Variants in IRGC observed in about 807,000 individuals in gnomAD.
The protein encoded by IRGC is interferon-inducible GTPase 5.
IRGC carries 4 observed loss-of-function variants against 16.1 expected under a neutral mutation model. The observed-to-expected ratio is 0.25, with a 90% CI of 0.12 to 0.57. The LOEUF is 0.57. Among genes scored for constraint, IRGC ranks in the 20% least tolerant of loss-of-function variants. The probability of loss-of-function intolerance (pLI) is 0.92; values close to 1 mark genes in which losing one functional copy is unlikely to be tolerated. For missense variants in IRGC, 570 were observed against 643.9 expected, an observed-to-expected ratio of 0.89 and a Z score of 1.24; for synonymous variants, 307 against 299.5, an observed-to-expected ratio of 1.03 and a Z score of -0.26.
rs140840883 is a variant in IRGC, at chr19:43,719,681, G to A, written c.1123G>A (p.Gly375Ser). 9.9e-5 allele frequency: 160 copies of A among 1,610,804 alleles called. No individual in the cohort carries two copies. In the African/African-American group the frequency reaches 1.6e-3, roughly 16 times the overall value. ...TGTGTTTGGGACGCTGGTGGCTGGC[G>A]GCATCAGCTTTGGCGCTGTCTACAC... is the stretch of plus-strand genomic sequence containing the variant. ...IPVFGTLVAGGISFGAVYTML... is the reference protein window; with the variant it reads ...IPVFGTLVAGSISFGAVYTML... The change falls in exon 2 of 2, where the codon GGC (glycine) becomes AGC (serine). Residue 375 changes from glycine to serine, a missense_variant. Physicochemically the swap from Gly to Ser is moderately conservative, Grantham distance 56. Coordinates refer to ENST00000244314, the MANE Select transcript of IRGC (RefSeq NM_019612.4).
At chr19:43,717,942 G>A (rs886603305) in intron 1 of IRGC, among the ~76,000 whole-genome samples, 6 of 152,106 alleles carry the variant, frequency 3.9e-5, no homozygotes, top group South Asian at 2.1e-4. Flanking sequence ...GGTGGCATGC[G>A]CCTGTGGTCC....
In IRGC at chr19:43,720,004, C is replaced by T; in HGVS notation, c.*54C>T. On this transcript the variant is annotated 3_prime_UTR_variant, in exon 2 of 2. Coordinates refer to ENST00000244314, the MANE Select transcript of IRGC (RefSeq NM_019612.4). ...CCACAAACTAAGTCTTAACAAAATCCAAATTACCAACAAAAAAGGCCGATG... is the reference window on the plus strand; with the variant it reads ...CCACAAACTAAGTCTTAACAAAATCTAAATTACCAACAAAAAAGGCCGATG... The T allele has an allele frequency of 6.3e-7, 1 of 1,591,770 alleles. No individual in the cohort carries two copies. Among genetic ancestry groups the T allele is most frequent in the Admixed American group, 1.8e-5 (1 of 56,694 alleles).
In IRGC at chr19:43,718,988, C is replaced by T. The variant is rs760423917; in HGVS notation, c.430C>T (p.Arg144Cys). The T allele has an allele frequency of 5.6e-6, 9 of 1,610,430 alleles. No homozygotes were observed. The East Asian group carries it at 1.1e-4, about 20-fold the overall frequency. The change falls in exon 2 of 2, where the codon CGC becomes TGC. Residue 144 changes from arginine to cysteine, a missense_variant. Physicochemically the swap from Arg to Cys is radical, Grantham distance 180. Transcript: ENST00000244314. ...YDFFLLVSPRRCGAVETRLAA... is the reference protein window; with the variant it reads ...YDFFLLVSPRCCGAVETRLAA... The stretch of plus-strand genomic sequence containing the variant: ...CTTCTTCCTGCTGGTCTCCCCCCGC[C>T]GCTGCGGGGCCGTCGAGACCCGCCT...
chr19:43,718,403 A>G, intron 1 of IRGC, 90 bp from the exon 2 acceptor site: 2 of 1,381,316 alleles, frequency 1.4e-6, no homozygotes, highest in South Asian at 3.8e-5. Flanking sequence ...GTGGGCTTCC[A>G]GGGCGACTCC....
In IRGC at chr19:43,719,238, C is replaced by T. The variant is rs758334834; in HGVS notation, c.680C>T (p.Thr227Met). 5.1e-5 allele frequency: 82 copies of T among 1,609,874 alleles called. No homozygotes were observed. In the Admixed American group the frequency reaches 6.3e-4, roughly 12 times the overall value. The change falls in exon 2 of 2, where the codon ACG (threonine) becomes ATG (methionine). Residue 227 changes from threonine (T) to methionine (M), a missense_variant. Transcript: ENST00000244314. ...TCGCCGGCCCGCTACGACTTTCCCA[C>T]GCTGGTGTCCACCTGGGAGCACGAC... Reference protein sequence around the residue: ...NLSPARYDFPTLVSTWEHDLP... With the variant: ...NLSPARYDFPMLVSTWEHDLP...
rs1176725515 is a variant in IRGC, at chr19:43,718,679, T to A, written c.121T>A (p.Ser41Thr). The change falls in exon 2 of 2, where the codon TCT becomes ACT. Residue 41 changes from serine (S) to threonine (T), a missense_variant. Coordinates refer to ENST00000244314, the MANE Select transcript of IRGC (RefSeq NM_019612.4). ...GTCGGGTGACCTCCCCCAGGCCGCC[T>A]CTCACCTCCAGGAGCTGCTGGCCTC... ...FESGDLPQAA[S>T]HLQELLASTE... 1.9e-6 allele frequency: 3 copies of A among 1,613,408 alleles called. No homozygotes were observed. The highest frequency in any genetic ancestry group is 2.5e-6 in the Non-Finnish European group (3 of 1,180,020).
In IRGC at chr19:43,719,285, GCT is replaced by G; in HGVS notation, c.728_729del (p.Ala243GlyfsTer48). 6.2e-7 allele frequency: 1 copy of G among 1,608,620 alleles called. No homozygotes were observed. Among genetic ancestry groups the G allele is most frequent in the Non-Finnish European group, 8.5e-7 (1 of 1,177,054 alleles). ...CGACCTGCCCTCCCACCGGCGCCAC[GCT>G]GGCCTGCTGTCGCTCCCCGACATCT... ...EHDLPSHRRH[A>X]GLLSLPDISL... On this transcript the variant is annotated frameshift_variant, in exon 2 of 2. Coordinates refer to ENST00000244314, the MANE Select transcript of IRGC (RefSeq NM_019612.4). LOFTEE classifies it high-confidence loss of function.
At position 43,718,804 on chromosome 19, in the gene IRGC, T is replaced by G. The variant is rs141926665; in HGVS notation, c.246T>G (p.Pro82=). 4.3e-6 allele frequency: 7 copies of G among 1,612,918 alleles called. No individual in the cohort carries two copies. In the Admixed American group the frequency reaches 1.0e-4, roughly 23 times the overall value. ...NALRGLEAED[P]GAALTGVMET... Reference sequence around the variant, plus strand: ...TGCGTGGCCTGGAGGCCGAGGACCCTGGCGCGGCTCTCACGGGCGTCATGG... The same window carrying G: ...TGCGTGGCCTGGAGGCCGAGGACCCGGGCGCGGCTCTCACGGGCGTCATGG... Residue 82 remains proline, a synonymous_variant, in exon 2 of 2, where the codon CCT becomes CCG. Coordinates refer to ENST00000244314, the MANE Select transcript of IRGC (RefSeq NM_019612.4).
Position 43,719,964 on chromosome 19 carries a change from G to C in IRGC, c.*14G>C. On this transcript the variant is annotated 3_prime_UTR_variant, in exon 2 of 2. Coordinates refer to ENST00000244314, the MANE Select transcript of IRGC (RefSeq NM_019612.4). ...GAAGAGAAATAAAGAGTGCAGCCCCGCCCCCCTGCCTCACCCACAAACTAA... is the reference window on the plus strand; with the variant it reads ...GAAGAGAAATAAAGAGTGCAGCCCCCCCCCCCTGCCTCACCCACAAACTAA... The C allele has an allele frequency of 1.2e-6, 2 of 1,611,144 alleles. No individual in the cohort carries two copies. Among genetic ancestry groups the C allele is most frequent in the Admixed American group, 1.7e-5 (1 of 59,756 alleles).
Position 43,717,172 on chromosome 19 carries a change from CT to C in IRGC, c.-67+1032del, listed in dbSNP as rs748455219. Among the ~76,000 whole-genome samples, 5 of 152,114 alleles carry C rather than the reference CT, an allele frequency of 3.3e-5. No individual in the cohort carries two copies. In the East Asian group the frequency reaches 7.7e-4, roughly 24 times the overall value. On this transcript the variant is annotated intron_variant, in intron 1 of 1. Coordinates refer to ENST00000244314, the MANE Select transcript of IRGC (RefSeq NM_019612.4). Reference sequence around the variant, plus strand: ...GTGTCCAGGTGGTCCCCATGTCTGGCTTCCCGAACCCAAGGGCGTCTGAACC... The same window carrying C: ...GTGTCCAGGTGGTCCCCATGTCTGGCTCCCGAACCCAAGGGCGTCTGAACC...
rs143101786 is a variant in IRGC at position 43,718,640 on chromosome 19, C to A, written c.82C>A (p.Arg28Ser). The change falls in exon 2 of 2, where the codon CGC becomes AGC. Residue 28 changes from arginine (R) to serine (S), a missense_variant. Physicochemically the swap from Arg to Ser is moderately radical, Grantham distance 110 (BLOSUM62 -1). Coordinates refer to ENST00000244314, the MANE Select transcript of IRGC (RefSeq NM_019612.4). Reference sequence around the variant, plus strand: ...GGCCAAGGAAAGGCTGGAGGCCCTGCGCACAGCCTTTGAGTCGGGTGACCT... The same window carrying A: ...GGCCAAGGAAAGGCTGGAGGCCCTGAGCACAGCCTTTGAGTCGGGTGACCT... ...LMAKERLEAL[R>S]TAFESGDLPQ... 1 of 1,613,510 alleles carries A rather than the reference C, an allele frequency of 6.2e-7. No individual in the cohort carries two copies. Among genetic ancestry groups the A allele is most frequent in the South Asian group, 1.1e-5 (1 of 91,052 alleles).
In IRGC at chr19:43,718,827, T is replaced by G; in HGVS notation, c.269T>G (p.Met90Arg). ...EDPGAALTGV[M>R]ETTMQPSPYP... ...CCTGGCGCGGCTCTCACGGGCGTCA[T>G]GGAGACCACGATGCAACCGTCGCCC... is the stretch of plus-strand genomic sequence containing the variant. Residue 90 changes from methionine (M) to arginine (R), a missense_variant, in exon 2 of 2, where the codon ATG becomes AGG. By Grantham distance (91) the Met-to-Arg change is moderately conservative. Transcript: ENST00000244314. The G allele has an allele frequency of 1.9e-6, 3 of 1,613,086 alleles. No homozygotes were observed. Among genetic ancestry groups the G allele is most frequent in the Non-Finnish European group, 2.5e-6 (3 of 1,179,974 alleles).
intron 1 of IRGC, among the ~76,000 whole-genome samples, chr19:43,716,778 A>G (rs1454690254): frequency 1.3e-5 from 2 of 151,974 alleles, no homozygotes; most frequent in African/African-American, 4.8e-5. Flanking sequence ...CTGAAGGGAG[A>G]GTAGCTCTCT....
rs952759775 is a variant in IRGC at position 43,719,733 on chromosome 19, T to C, written c.1175T>C (p.Met392Thr). 6.2e-7 allele frequency: 1 copy of C among 1,613,466 alleles called. No homozygotes were observed. Among genetic ancestry groups the C allele is most frequent in the Non-Finnish European group, 8.5e-7 (1 of 1,179,810 alleles). ...ATGCTCCAGGGCTGCCTCAACGAGA[T>C]GGCTGAGGACGCCCAGCGTGTCCGC... ...YTMLQGCLNE[M>T]AEDAQRVRIK... is the part of the protein sequence containing the mutation. Residue 392 changes from methionine to threonine, a missense_variant, in exon 2 of 2, where the codon ATG becomes ACG. Transcript: ENST00000244314.
chr19:43,719,622 T>A lies in IRGC; in HGVS notation c.1064T>A (p.Met355Lys). The A allele has an allele frequency of 6.2e-7, 1 of 1,604,620 alleles. No individual in the cohort carries two copies. The highest frequency in any genetic ancestry group is 8.5e-7 in the Non-Finnish European group (1 of 1,179,878). The stretch of plus-strand genomic sequence containing the variant: ...TATTCCCAGTCGTCCGACGGCGCCA[T>A]GCGGGTGGCCCGCGCCTTTGAGAGG... ...RLYSQSSDGA[M>K]RVARAFERGI... The change falls in exon 2 of 2, where the codon ATG becomes AAG. Residue 355 changes from methionine (M) to lysine (K), a missense_variant. Met to Lys is a moderately conservative substitution (Grantham distance 95). Coordinates refer to ENST00000244314, the MANE Select transcript of IRGC (RefSeq NM_019612.4).
Position 43,719,427 on chromosome 19 carries a change from A to G in IRGC, c.869A>G (p.Asp290Gly). The G allele has an allele frequency of 3.1e-6, 5 of 1,604,978 alleles. No homozygotes were observed. Among genetic ancestry groups the G allele is most frequent in the Non-Finnish European group, 4.3e-6 (5 of 1,174,938 alleles). ...GTCCCAGGGCTGGCGGCCGCCTACG[A>G]TGATGCGTTGCTCATCCACTCACTG... ...LPVPGLAAAY[D>G]DALLIHSLRG... Residue 290 changes from aspartate to glycine, a missense_variant, in exon 2 of 2, where the codon GAT becomes GGT. By Grantham distance (94) the Asp-to-Gly change is moderately conservative. Transcript: ENST00000244314.
Position 43,718,975 on chromosome 19 carries a change from G to A in IRGC, c.417G>A (p.Leu139=), listed in dbSNP as rs1177006921. The A allele has an allele frequency of 1.2e-6, 2 of 1,609,404 alleles. No individual in the cohort carries two copies. Among genetic ancestry groups the A allele is most frequent in the Non-Finnish European group, 1.7e-6 (2 of 1,178,490 alleles). The stretch of plus-strand genomic sequence containing the variant: ...TCAGCCGCTATGACTTCTTCCTGCT[G>A]GTCTCCCCCCGCCGCTGCGGGGCCG... ...VDFSRYDFFL[L]VSPRRCGAVE... The change falls in exon 2 of 2, where the codon CTG becomes CTA. Residue 139 remains leucine, a synonymous_variant. Coordinates refer to ENST00000244314, the MANE Select transcript of IRGC (RefSeq NM_019612.4).
rs1968244808 is a variant in IRGC, at chr19:43,719,813, A to G, written c.1255A>G (p.Ser419Gly). Residue 419 changes from serine (S) to glycine (G), a missense_variant, in exon 2 of 2, where the codon AGT (serine) becomes GGT (glycine). Coordinates refer to ENST00000244314, the MANE Select transcript of IRGC (RefSeq NM_019612.4). ...GCCGGAGGTCAGCTTGGAAGTGGCC[A>G]GTGACAATGGCGTGGAAAAGGGGGG... ...PQPEVSLEVASDNGVEKGGSG... is the reference protein window; with the variant it reads ...PQPEVSLEVAGDNGVEKGGSG... The G allele has an allele frequency of 6.2e-7, 1 of 1,611,922 alleles. No individual in the cohort carries two copies. The highest frequency in any genetic ancestry group is 1.7e-5 in the Admixed American group (1 of 59,918).
Position 43,720,020 on chromosome 19 carries a change from A to C in IRGC, c.*70A>C. 1.0e-5 allele frequency: 16 copies of C among 1,534,958 alleles called. No homozygotes were observed. The highest frequency in any genetic ancestry group is 1.3e-5 in the Non-Finnish European group (15 of 1,121,944). ...AACAAAATCCAAATTACCAACAAAAAAGGCCGATGTGGTGAATGTGAGGGC... is the reference window on the plus strand; with the variant it reads ...AACAAAATCCAAATTACCAACAAAACAGGCCGATGTGGTGAATGTGAGGGC... On this transcript the variant is annotated 3_prime_UTR_variant, in exon 2 of 2. Coordinates refer to ENST00000244314, the MANE Select transcript of IRGC (RefSeq NM_019612.4).
Sources: allele counts gnomAD v4.1 joint callset (sites outside exome capture counted in the v4.1 genomes callset), GRCh38; gene constraint gnomAD v4.1.1; transcripts MANE v1.5; gene names NCBI Gene and HGNC (gene_info 2026-07-23, HGNC 2026-07-21).